LTBP1: variants seen among roughly 807,000 people sequenced by gnomAD.
LTBP1 encodes latent transforming growth factor beta binding protein 1.
In LTBP1, 129 loss-of-function variants were observed where a neutral mutation model predicts 207.6. The ratio of observed to expected loss-of-function variants is 0.62; its 90% confidence interval spans 0.54 to 0.72. The LOEUF (loss-of-function observed/expected upper bound fraction) is 0.72, where lower values mean the gene tolerates loss of function less well. Ranked by LOEUF, LTBP1 falls within the 30% of genes least tolerant of loss-of-function variation. The probability of loss-of-function intolerance (pLI) is 0.00; values close to 1 mark genes in which losing one functional copy is unlikely to be tolerated. For synonymous variants in LTBP1, 963 were observed against 833.7 expected, an observed-to-expected ratio of 1.16 and a Z score of -2.67; for missense variants, 2,281 against 2,217.2, an observed-to-expected ratio of 1.03 and a Z score of -0.58.
chr2:33,378,219 G>T (rs1301567351), intron 31 of LTBP1, among the ~76,000 whole-genome samples: 9 of 141,904 alleles, frequency 6.3e-5, no homozygotes, highest in Admixed American at 2.1e-4. Flanking sequence ...GTGTGTGTGT[G>T]TGTTTTGTTT....
chr2:33,062,635 T>G (rs2077320296), intron 3 of LTBP1, among the ~76,000 whole-genome samples: 1 of 152,228 alleles, frequency 6.6e-6, no homozygotes, highest in African/African-American at 2.4e-5. Context: ...TTTGGGAGTT[T>G]CCAGCTATTC....
intron 9 of LTBP1, among the ~76,000 whole-genome samples, chr2:33,236,821 A>G (rs78894976): frequency 0.015 from 2,253 of 152,348 alleles, 23 homozygotes; most frequent in East Asian, 0.027. Flanking sequence ...GTGTGTTGCT[A>G]GCAGCGTCGT....
At chr2:33,217,129 C>T (rs921844160) in intron 7 of LTBP1, among the ~76,000 whole-genome samples, 1 of 152,174 alleles carries the variant, frequency 6.6e-6, no homozygotes, top group African/African-American at 2.4e-5. Flanking sequence ...GCCATCTTCT[C>T]ACATTTTACA....
intron 10 of LTBP1, among the ~76,000 whole-genome samples, chr2:33,244,359 A>G (rs759305019): frequency 6.6e-5 from 10 of 152,162 alleles, no homozygotes; most frequent in African/African-American, 2.2e-4. Flanking sequence ...AAATGACCCT[A>G]AATTATACTG....
Position 33,383,963 on chromosome 2 carries a change from C to T in LTBP1, c.4712-5221C>T, listed in dbSNP as rs893089163. Among the ~76,000 whole-genome samples the T allele has an allele frequency of 7.9e-5, 12 of 152,240 alleles. 1 individual carries two copies. The highest frequency in any genetic ancestry group is 1.8e-4 in the Non-Finnish European group (12 of 68,036). ...TGTGCAAAACGAAATTGCAACCTCTCTACCATTTCTAAAAACAGCTGAATT... is the reference window on the plus strand; with the variant it reads ...TGTGCAAAACGAAATTGCAACCTCTTTACCATTTCTAAAAACAGCTGAATT... On this transcript the variant is annotated intron_variant, in intron 31 of 33. Coordinates refer to ENST00000404816, the MANE Select transcript of LTBP1 (RefSeq NM_206943.4).
intron 2 of LTBP1, among the ~76,000 whole-genome samples, chr2:32,989,674 C>T (rs1203168810): frequency 6.6e-6 from 1 of 152,180 alleles, no homozygotes; most frequent in Non-Finnish European, 1.5e-5. Context: ...TGTATAGATT[C>T]TGAGGAACCA....
chr2:33,095,508 AAGAT>A (rs537774060), intron 3 of LTBP1, among the ~76,000 whole-genome samples: 84 of 152,300 alleles, frequency 5.5e-4, no homozygotes, highest in African/African-American at 1.9e-3. Flanking sequence ...TATTTAGAGT[AAGAT>A]AGAGAGTCTC....
intron 2 of LTBP1, among the ~76,000 whole-genome samples, chr2:32,954,586 C>A (rs1337220859): frequency 6.8e-6 from 1 of 147,086 alleles, no homozygotes; most frequent in African/African-American, 2.5e-5. Flanking sequence ...CCTTGATTAC[C>A]TCTGTAAAGA....
chr2:32,993,700 TC>T (rs1214061164), intron 2 of LTBP1, among the ~76,000 whole-genome samples: 2 of 152,178 alleles, frequency 1.3e-5, no homozygotes, highest in Non-Finnish European at 2.9e-5. Context: ...GAGTGGCTCT[TC>T]CTGGTACTGT....
chr2:33,347,431 G>A lies in LTBP1; in HGVS notation c.3921G>A (p.Gly1307=). Residue 1307 remains glycine, a synonymous_variant, in exon 26 of 34, where the codon GGG becomes GGA. Transcript: ENST00000404816. ...CGEAFCENVE[G]SFLCVCADEN... The stretch of plus-strand genomic sequence containing the variant: ...AAGCCTTCTGTGAAAACGTGGAAGG[G>A]TCCTTCCTGTGCGTGTGTGCTGATG... The A allele has an allele frequency of 6.2e-7, 1 of 1,614,148 alleles. No homozygotes were observed.
intron 25 of LTBP1, among the ~76,000 whole-genome samples, chr2:33,343,451 A>T (rs2094658874): frequency 6.6e-6 from 1 of 151,508 alleles, no homozygotes; most frequent in Non-Finnish European, 1.5e-5. Context: ...TGAAATTGTT[A>T]GGGACATTAA....
At chr2:33,214,583 C>T (rs1475320362) in intron 7 of LTBP1, among the ~76,000 whole-genome samples, 2 of 152,178 alleles carry the variant, frequency 1.3e-5, no homozygotes, top group Admixed American at 6.5e-5. Flanking sequence ...GCTGTTCCAA[C>T]CTCGGGGACT....
chr2:33,326,640 AATTT>A (rs10529829), intron 24 of LTBP1, among the ~76,000 whole-genome samples: 5 of 144,652 alleles, frequency 3.5e-5, no homozygotes, highest in East Asian at 4.1e-4. Context: ...TGAGGGATAT[AATTT>A]ATTTATTTAT....
intron 4 of LTBP1, among the ~76,000 whole-genome samples, chr2:33,120,043 A>G (rs1401049390): frequency 6.6e-6 from 1 of 152,192 alleles, no homozygotes; most frequent in African/African-American, 2.4e-5. Context: ...CTGGAGAACA[A>G]CTTTCTTTCC....
At chr2:33,185,367 G>A (rs1038330549) in intron 5 of LTBP1, among the ~76,000 whole-genome samples, 76 of 151,954 alleles carry the variant, frequency 5.0e-4, no homozygotes, top group African/African-American at 1.7e-3. Flanking sequence ...GAGGGAAGAC[G>A]ATGAGTTCAA....
chr2:33,133,074 G>A (rs1203995062), intron 4 of LTBP1, among the ~76,000 whole-genome samples: 2 of 152,116 alleles, frequency 1.3e-5, no homozygotes, highest in African/African-American at 4.8e-5. Flanking sequence ...AAGGTTACAC[G>A]ACCACTTGAT....
intron 20 of LTBP1, among the ~76,000 whole-genome samples, chr2:33,298,845 A>G (rs929761121): frequency 1.3e-5 from 2 of 152,248 alleles, no homozygotes; most frequent in African/African-American, 2.4e-5. Context: ...CTCCAATTAC[A>G]TTAATACTTT....
chr2:33,381,841 A>C (rs2095218111), intron 31 of LTBP1, among the ~76,000 whole-genome samples: 1 of 152,150 alleles, frequency 6.6e-6, no homozygotes, highest in Admixed American at 6.5e-5. Flanking sequence ...TTTGGGTTCA[A>C]ATCCCTCACC....
intron 24 of LTBP1, among the ~76,000 whole-genome samples, chr2:33,332,581 G>C (rs2094508904): frequency 6.7e-6 from 1 of 150,336 alleles, no homozygotes; most frequent in African/African-American, 2.5e-5. Context: ...TTTTTATATG[G>C]AGTCTTGCTC....
Sources: allele counts gnomAD v4.1 joint callset (sites outside exome capture counted in the v4.1 genomes callset), GRCh38; gene constraint gnomAD v4.1.1; transcripts MANE v1.5; gene names NCBI Gene and HGNC (gene_info 2026-07-23, HGNC 2026-07-21).